Variants in C11orf16 observed in about 807,000 individuals in gnomAD.
The protein encoded by C11orf16 is chromosome 11 open reading frame 16.
C11orf16 carries 38 observed loss-of-function variants against 45.1 expected under a neutral mutation model. That is an observed-to-expected ratio of 0.84 (90% CI 0.65 to 1.10). The LOEUF (loss-of-function observed/expected upper bound fraction) is 1.10, where lower values mean the gene tolerates loss of function less well. Among genes scored for constraint, C11orf16 ranks in the 50% least tolerant of loss-of-function variants. The pLI is 0.00. For synonymous variants in C11orf16, 221 were observed against 222.0 expected (o/e 1.00, Z 0.04); for missense variants, 583 against 569.5 (o/e 1.02, Z -0.24).
chr11:8,923,660 C>T (rs867636705), intron 5 of C11orf16, among the ~76,000 whole-genome samples: 4 of 151,916 alleles, frequency 2.6e-5, no homozygotes, highest in African/African-American at 9.7e-5. Flanking sequence ...CTCGCTGTGT[C>T]GCCCAGGCTG....
rs1363583933 is a variant in C11orf16 at position 8,927,056 on chromosome 11, G to C, written c.443C>G (p.Ser148Cys). 6.2e-7 allele frequency: 1 copy of C among 1,614,170 alleles called. No individual in the cohort carries two copies. The highest frequency in any genetic ancestry group is 1.1e-5 in the South Asian group (1 of 91,084). ...LEEDVIPLSP[S>C]VGYSLRPGDK... ...CCCTGGTCTCAGTGAGTATCCTACA[G>C]ATGGTGAGAGAGGAATGACATCCTC... Residue 148 changes from serine to cysteine, a missense_variant, in exon 4 of 7, where the codon TCT (serine) becomes TGT (cysteine). Physicochemically the swap from Ser to Cys is moderately radical, Grantham distance 112. Coordinates refer to ENST00000326053, the MANE Select transcript of C11orf16 (RefSeq NM_020643.3).
chr11:8,921,457 T>C lies in C11orf16; in HGVS notation c.1263A>G (p.Gln421=), dbSNP rs2064573123. ...EEKDHKQQRA[Q]TAVVGTTKEL... ...CCTTGGTAGTCCCCACTACTGCAGT[T>C]TGTGCTCTCTGCTGTTTGTGATCCT... Residue 421 remains glutamine (Q), a synonymous_variant, in exon 6 of 7, where the codon CAA becomes CAG. Coordinates refer to ENST00000326053, the MANE Select transcript of C11orf16 (RefSeq NM_020643.3). 4.3e-6 allele frequency: 7 copies of C among 1,614,188 alleles called. No individual in the cohort carries two copies. The highest frequency in any genetic ancestry group is 4.0e-5 in the African/African-American group (3 of 75,062).
intron 6 of C11orf16, among the ~76,000 whole-genome samples, 190 bp downstream of exon 6, chr11:8,921,104 C>G (rs181129481): frequency 7.2e-5 from 11 of 152,214 alleles, no homozygotes; most frequent in African/African-American, 2.6e-4. Context: ...CCTTGCACCC[C>G]CAAGAAGCCT....
chr11:8,921,236 G>T, intron 6 of C11orf16, 58 bp downstream of exon 6: 1 of 1,382,712 alleles, frequency 7.2e-7, no homozygotes, highest in Non-Finnish European at 1.0e-6. Flanking sequence ...TGACCCAAAA[G>T]GTCTAAGACC....
At chr11:8,923,623 CT>C (rs913563052) in intron 5 of C11orf16, among the ~76,000 whole-genome samples, 10 of 151,492 alleles carry the variant, frequency 6.6e-5, no homozygotes, top group African/African-American at 2.2e-4. Context: ...TCTTTCTTTT[CT>C]TTTTTTTTAT....
chr11:8,929,130 C>G (rs1041853422), intron 3 of C11orf16: 1 of 424,210 alleles, frequency 2.4e-6, no homozygotes, highest in Non-Finnish European at 4.2e-6. Flanking sequence ...CCTGGACTTC[C>G]AGCCTCCAGA....
intron 2 of C11orf16, among the ~76,000 whole-genome samples, chr11:8,930,073 T>G (rs987200711): frequency 2.0e-5 from 3 of 151,620 alleles, no homozygotes; most frequent in Non-Finnish European, 4.4e-5. Context: ...TGGGCTGAAA[T>G]GACACTACTG....
intron 3 of C11orf16, among the ~76,000 whole-genome samples, chr11:8,927,913 T>C (rs748295420): frequency 3.3e-5 from 5 of 152,140 alleles, no homozygotes; most frequent in Non-Finnish European, 7.3e-5. Flanking sequence ...AAATTGACTT[T>C]TTTTTGTTTT....
At position 8,925,624 on chromosome 11, in the gene C11orf16, T is replaced by A. The variant is rs2064604691; in HGVS notation, c.1043A>T (p.Glu348Val). The change falls in exon 5 of 7, where the codon GAG (glutamate) becomes GTG (valine). Residue 348 changes from glutamate (E) to valine (V), a missense_variant. Transcript: ENST00000326053. The stretch of plus-strand genomic sequence containing the variant: ...GGGAGGGCCCATCTCCAGATCATTC[T>A]CCACACCGTCTTGTTCACAGGAGGA... The part of the protein sequence containing the change: ...SSSSCEQDGV[E>V]NDLEMGPPQR... 1 of 1,614,144 alleles carries A rather than the reference T, an allele frequency of 6.2e-7. No homozygotes were observed.
intron 6 of C11orf16, 72 bp from the exon 7 acceptor site, chr11:8,920,522 TA>T (rs1189252939): frequency 4.8e-6 from 3 of 619,448 alleles, no homozygotes; most frequent in South Asian, 1.9e-5. Context: ...TCACTGATTT[TA>T]AAAAGTCATT....
intron 3 of C11orf16, chr11:8,927,722 T>C: frequency 2.2e-6 from 1 of 453,948 alleles, no homozygotes; most frequent in South Asian, 1.6e-5. Context: ...AGCAAATGAA[T>C]AGCAAAAGTG....
At chr11:8,930,225 G>A (rs2064641117) in intron 2 of C11orf16, among the ~76,000 whole-genome samples, 1 of 151,890 alleles carries the variant, frequency 6.6e-6, no homozygotes, top group Non-Finnish European at 1.5e-5. Context: ...TCAAGAGATC[G>A]AGACTATCTG....
chr11:8,921,660 A>G (rs1589931126), intron 5 of C11orf16, 145 bp from the exon 6 acceptor site: 2 of 819,642 alleles, frequency 2.4e-6, no homozygotes, highest in South Asian at 3.5e-5. Context: ...GGGTCTTGCT[A>G]TTATCACCCA....
chr11:8,924,776 ACCT>A (rs900265864), intron 5 of C11orf16, among the ~76,000 whole-genome samples: 51 of 152,086 alleles, frequency 3.4e-4, no homozygotes, highest in African/African-American at 1.2e-3. Flanking sequence ...TTTCCAGGCC[ACCT>A]CCTTCACACA....
intron 3 of C11orf16, among the ~76,000 whole-genome samples, chr11:8,927,920 T>C (rs1036047599): frequency 2.8e-4 from 43 of 152,172 alleles, no homozygotes; most frequent in Admixed American, 2.8e-3. Flanking sequence ...CTTTTTTTTG[T>C]TTTTTCCAGA....
At chr11:8,926,907 T>C (rs776981620) in intron 4 of C11orf16, 33 bp downstream of exon 4, 10 of 1,566,976 alleles carry the variant, frequency 6.4e-6, no homozygotes, top group Non-Finnish European at 7.9e-6. Context: ...TGGCTCCTTC[T>C]GGGCACTGAT....
At chr11:8,932,748 A>C (rs112583859) in intron 1 of C11orf16, among the ~76,000 whole-genome samples, 153 bp downstream of exon 1, 14 of 152,150 alleles carry the variant, frequency 9.2e-5, no homozygotes, top group Admixed American at 8.5e-4. Flanking sequence ...AGGCAAGCTG[A>C]GATCTCAGGG....
intron 5 of C11orf16, among the ~76,000 whole-genome samples, chr11:8,923,340 C>T (rs1230775712): frequency 6.6e-6 from 1 of 152,204 alleles, no homozygotes; most frequent in Non-Finnish European, 1.5e-5. Flanking sequence ...CTGGTTGTCC[C>T]TCTCCCCTAT....
rs761077824 is a variant in C11orf16 at position 8,925,417 on chromosome 11, G to A, written c.1204+46C>T. On this transcript the variant is annotated intron_variant, in intron 5 of 6. Coordinates refer to ENST00000326053, the MANE Select transcript of C11orf16 (RefSeq NM_020643.3). ...GACATGTGGGAGGGAAGGGAGGCGG[G>A]GCCCCAGCCCCTGCCTTAGAAAGCA... is the stretch of plus-strand genomic sequence containing the variant. 3.9e-5 allele frequency: 61 copies of A among 1,559,934 alleles called. No individual in the cohort carries two copies. In the South Asian group the frequency reaches 6.7e-4, roughly 17 times the overall value.
Sources: gnomAD v4.1 joint callset for allele counts (sites outside exome capture counted in the v4.1 genomes callset) on GRCh38, gnomAD v4.1.1 for gene constraint, MANE v1.5 for transcripts, NCBI Gene and HGNC (gene_info 2026-07-23, HGNC 2026-07-21) for gene names.